The following ZPBP variants were observed in gnomAD, a reference collection of about 807,000 sequenced individuals.
ZPBP encodes zona pellucida-binding protein 1.
ZPBP carries 26 observed loss-of-function variants against 44.8 expected under a neutral mutation model. That is an observed-to-expected ratio of 0.58 (90% CI 0.43 to 0.81). ZPBP has a LOEUF of 0.81. Among genes scored for constraint, ZPBP ranks in the 30% least tolerant of loss-of-function variants. ZPBP has a pLI of 0.00. For synonymous variants in ZPBP, 174 were observed against 153.2 expected, an observed-to-expected ratio of 1.14 and a Z score of -1.00; for missense variants, 409 against 434.0, an observed-to-expected ratio of 0.94 and a Z score of 0.51.
chr7:49,862,926 T>A (rs1173390331), intron 2 of ZPBP, among the ~76,000 whole-genome samples: 2 of 152,194 alleles, frequency 1.3e-5, no homozygotes, highest in Admixed American at 1.3e-4. Context: ...TTACCTATAC[T>A]TTTCTTGTGA....
At chr7:49,858,327 T>A (rs926993864) in intron 2 of ZPBP, among the ~76,000 whole-genome samples, 2 of 151,978 alleles carry the variant, frequency 1.3e-5, no homozygotes, top group African/African-American at 4.8e-5. Flanking sequence ...AATGATAGAC[T>A]GGATTAAGAA....
intron 1 of ZPBP, chr7:49,915,734 T>C (rs922541369): frequency 3.3e-5 from 5 of 152,230 alleles, no homozygotes; most frequent in Non-Finnish European, 7.3e-5. Context: ...AACAATTTGC[T>C]AAATTTGCTT....
chr7:50,031,574 G>A (rs1345156932), intron 4 of ZPBP, among the ~76,000 whole-genome samples: 4 of 152,106 alleles, frequency 2.6e-5, no homozygotes, highest in Middle Eastern at 3.4e-3. Flanking sequence ...ATTGAGGGCG[G>A]CAGGGATTAT....
At chr7:49,982,594 C>T (rs1201034629) in intron 7 of ZPBP, among the ~76,000 whole-genome samples, 1 of 151,384 alleles carries the variant, frequency 6.6e-6, no homozygotes, top group African/African-American at 2.4e-5. Flanking sequence ...CAATCTCAAA[C>T]TTCTCAGCCA....
At chr7:49,894,926 T>C (rs774187889) in intron 2 of ZPBP, among the ~76,000 whole-genome samples, 20 of 152,188 alleles carry the variant, frequency 1.3e-4, no homozygotes, top group Non-Finnish European at 2.2e-4. Context: ...AGGAGACATG[T>C]TGTGAAAGAC....
At chr7:49,910,167 T>C (rs1793331042) in intron 1 of ZPBP, among the ~76,000 whole-genome samples, 1 of 152,070 alleles carries the variant, frequency 6.6e-6, no homozygotes, top group South Asian at 2.1e-4. Context: ...AGGGGGCACA[T>C]GCAAGCAGGC....
At chr7:50,040,489 A>G (rs1800025303) in intron 4 of ZPBP, among the ~76,000 whole-genome samples, 1 of 152,166 alleles carries the variant, frequency 6.6e-6, no homozygotes, top group Admixed American at 6.5e-5. Context: ...GGGACTGGTT[A>G]GGCAGTGAAT....
chr7:49,900,878 T>C (rs1792687407), intron 2 of ZPBP, among the ~76,000 whole-genome samples: 2 of 151,802 alleles, frequency 1.3e-5, no homozygotes, highest in South Asian at 4.1e-4. Context: ...TATTAGCAAA[T>C]TGAACCCAAC....
chr7:50,084,107 A>G (rs923190466), intron 2 of ZPBP, among the ~76,000 whole-genome samples: 2 of 151,978 alleles, frequency 1.3e-5, no homozygotes, highest in African/African-American at 4.8e-5. Context: ...TGAAAACAAC[A>G]AAGAAAAGAA....
At chr7:49,982,251 TA>T (rs1266221047) in intron 7 of ZPBP, among the ~76,000 whole-genome samples, 3 of 106,538 alleles carry the variant, frequency 2.8e-5, no homozygotes, top group African/African-American at 1.1e-4. Context: ...TTATATTATA[TA>T]TTTATATTAT....
At chr7:49,888,179 T>TA (rs1791978825) in intron 2 of ZPBP, among the ~76,000 whole-genome samples, 1 of 152,206 alleles carries the variant, frequency 6.6e-6, no homozygotes, top group Non-Finnish European at 1.5e-5. Context: ...CTGGACCTTT[T>TA]AAAAAATTTT....
At chr7:49,891,259 C>T (rs577156584) in intron 2 of ZPBP, among the ~76,000 whole-genome samples, 81 of 152,014 alleles carry the variant, frequency 5.3e-4, no homozygotes, top group Non-Finnish European at 6.6e-4. Flanking sequence ...TTGAGACAAG[C>T]GATAAAAGCC....
At chr7:50,069,517 C>T (rs879541427) in intron 3 of ZPBP, among the ~76,000 whole-genome samples, 2 of 152,220 alleles carry the variant, frequency 1.3e-5, no homozygotes, top group African/African-American at 4.8e-5. Context: ...CAACCCTAGT[C>T]ACCACCTTAA....
chr7:49,943,725 G>T, intron 7 of ZPBP: 1 of 249,898 alleles, frequency 4.0e-6, no homozygotes. Flanking sequence ...ATGGCTCAAG[G>T]CTCAATGTGA....
intron 7 of ZPBP, among the ~76,000 whole-genome samples, chr7:49,960,540 A>G (rs1035957569): frequency 6.6e-6 from 1 of 152,214 alleles, no homozygotes; most frequent in African/African-American, 2.4e-5. Context: ...TATTTATGCA[A>G]CTTTTTAATT....
intron 2 of ZPBP, among the ~76,000 whole-genome samples, chr7:49,875,076 T>A (rs566278254): frequency 5.9e-5 from 9 of 151,582 alleles, no homozygotes; most frequent in Non-Finnish European, 1.0e-4. Context: ...CCAACATAAA[T>A]AATAGTAAAA....
At chr7:49,963,856 G>T (rs779686098) in intron 7 of ZPBP, among the ~76,000 whole-genome samples, 17 of 151,484 alleles carry the variant, frequency 1.1e-4, no homozygotes, top group Non-Finnish European at 2.2e-4. Flanking sequence ...GAAGAGGAAG[G>T]AATACTGCCC....
intron 4 of ZPBP, among the ~76,000 whole-genome samples, chr7:50,040,400 G>C (rs145847930): frequency 2.2e-4 from 34 of 152,294 alleles, no homozygotes; most frequent in African/African-American, 8.2e-4. Flanking sequence ...AATAGCTCCG[G>C]TCTGCAGTTC....
intron 4 of ZPBP, among the ~76,000 whole-genome samples, chr7:50,053,657 A>T (rs769515055): frequency 3.2e-4 from 48 of 152,218 alleles, no homozygotes; most frequent in Admixed American, 1.8e-3. Context: ...CTTGTATAAC[A>T]CATTTGGAAA....
Sources: allele counts gnomAD v4.1 joint callset (sites outside exome capture counted in the v4.1 genomes callset), GRCh38; gene constraint gnomAD v4.1.1; transcripts MANE v1.5; gene names NCBI Gene and HGNC (gene_info 2026-07-23, HGNC 2026-07-21).